The following DOK1 variants were observed in gnomAD, a reference collection of about 807,000 sequenced individuals.
DOK1 encodes Downstream of tyrosine kinase 1.
DOK1 carries 12 observed loss-of-function variants against 24.0 expected under a neutral mutation model. The observed-to-expected ratio is 0.50, with a 90% CI of 0.32 to 0.81. The LOEUF (loss-of-function observed/expected upper bound fraction) is 0.81, where lower values mean the gene tolerates loss of function less well. Among genes scored for constraint, DOK1 ranks in the 30% least tolerant of loss-of-function variants. DOK1 has a pLI of 0.03. For missense variants in DOK1, 591 were observed against 620.7 expected (o/e 0.95, Z 0.51); for synonymous variants, 250 against 260.9 (o/e 0.96, Z 0.40).
rs149674535 is a variant in DOK1 at position 74,557,033 on chromosome 2, C to T, written c.1365C>T (p.Ser455=). 4.9e-5 allele frequency: 79 copies of T among 1,614,044 alleles called. No individual in the cohort carries two copies. Among genetic ancestry groups the T allele is most frequent in the Non-Finnish European group, 6.3e-5 (74 of 1,180,048 alleles). Residue 455 remains serine, a synonymous_variant, in exon 5 of 5, where the codon AGC becomes AGT. Transcript: ENST00000233668. ...CCCTGTACAGCCAGGTCCAGAAGAG[C>T]GGGGCCTCAGGGAGCTGGGACTGTG... ...NSALYSQVQK[S]GASGSWDCGL... is the part of the protein sequence containing the mutation.
chr2:74,556,197 G>A lies in DOK1; in HGVS notation c.640-111G>A, dbSNP rs368769561. 108 of 1,534,516 alleles carry A rather than the reference G, an allele frequency of 7.0e-5. No individual in the cohort carries two copies. The highest frequency in any genetic ancestry group is 5.2e-4 in the South Asian group (41 of 78,672). On this transcript the variant is annotated intron_variant, in intron 4 of 4. Transcript: ENST00000233668. This position sits in a 1 kb window ranked among gnomAD's most constrained non-coding sequence, Gnocchi z 4.1. ...CCTTTCTTGCCTACCCGGTGACCCC[G>A]CGTCTGTTCGCAGGTGGTCTCTTCT...
At position 74,557,181 on chromosome 2, in the gene DOK1, T is replaced by C; in HGVS notation, c.*67T>C. 6.6e-7 allele frequency: 1 copy of C among 1,504,822 alleles called. No individual in the cohort carries two copies. The highest frequency in any genetic ancestry group is 9.0e-7 in the Non-Finnish European group (1 of 1,114,756). 93.2% of individuals were successfully genotyped at this position (1,504,822 alleles called of 1,614,324 possible). ...AGGTGGCACTAGGGATCAAAGAAGA[T>C]GGTTAGAACCAGCAGAAGCCAGAGG... On this transcript the variant is annotated 3_prime_UTR_variant, in exon 5 of 5. Coordinates refer to ENST00000233668, the MANE Select transcript of DOK1 (RefSeq NM_001381.5).
chr2:74,552,272 C>T, upstream of DOK1: 2 of 1,538,628 alleles, frequency 1.3e-6, no homozygotes, highest in Non-Finnish European at 1.8e-6. Flanking sequence ...TTTCCCTGCA[C>T]TTTGGCCACA....
upstream of DOK1, chr2:74,549,739 G>A: frequency 6.9e-7 from 1 of 1,441,578 alleles, no homozygotes; most frequent in South Asian, 1.5e-5. This position sits in a 1 kb window ranked among gnomAD's most constrained non-coding sequence, Gnocchi z 5.3. Context: ...GCCGCAGTCC[G>A]CGGTGTGGAC....
chr2:74,556,044 C>T lies in DOK1; in HGVS notation c.605C>T (p.Pro202Leu). Residue 202 changes from proline to leucine, a missense_variant, in exon 4 of 5, where the codon CCC becomes CTC. Coordinates refer to ENST00000233668, the MANE Select transcript of DOK1 (RefSeq NM_001381.5). This position sits in a 1 kb window ranked among gnomAD's most constrained non-coding sequence, Gnocchi z 4.1. Reference protein sequence around the residue: ...SQILEPLLSWPYTLLRRYGRD... With the variant: ...SQILEPLLSWLYTLLRRYGRD... ...ATACTGGAGCCACTCCTGTCCTGGC[C>T]CTACACTCTGTTGCGTCGCTATGGC... The T allele has an allele frequency of 6.2e-7, 1 of 1,608,478 alleles. No homozygotes were observed. The highest frequency in any genetic ancestry group is 1.3e-5 in the African/African-American group (1 of 74,920).
At position 74,554,801 on chromosome 2, in the gene DOK1, G is replaced by C; in HGVS notation, c.47G>C (p.Arg16Pro). The change falls in exon 1 of 5, where the codon CGC (arginine) becomes CCC (proline). Residue 16 changes from arginine to proline, a missense_variant. By Grantham distance (103) the Arg-to-Pro change is moderately radical. Transcript: ENST00000233668. This position sits in a 1 kb window ranked among gnomAD's most constrained non-coding sequence, Gnocchi z 4.9. ...MEGPLFLQSQ[R>P]FGTKRWRKTW... Reference sequence around the variant, plus strand: ...GGGCCGCTTTTTTTGCAGAGTCAGCGCTTTGGGACCAAGGTAGTCTGGCGC... The same window carrying C: ...GGGCCGCTTTTTTTGCAGAGTCAGCCCTTTGGGACCAAGGTAGTCTGGCGC... The C allele has an allele frequency of 6.2e-7, 1 of 1,614,146 alleles. No homozygotes were observed.
chr2:74,554,668 C>T (rs1238248818), upstream of DOK1: 42 of 1,394,790 alleles, frequency 3.0e-5, no homozygotes, highest in Non-Finnish European at 3.9e-5. This position sits in a 1 kb window ranked among gnomAD's most constrained non-coding sequence, Gnocchi z 4.9. Context: ...CGGGGAGGGG[C>T]GGAAACTCCT....
At position 74,555,355 on chromosome 2, in the gene DOK1, G is replaced by A; in HGVS notation, c.262G>A (p.Ala88Thr). 1 of 1,613,732 alleles carries A rather than the reference G, an allele frequency of 6.2e-7. No individual in the cohort carries two copies. Among genetic ancestry groups the A allele is most frequent in the South Asian group, 1.1e-5 (1 of 91,080 alleles). Residue 88 changes from alanine (A) to threonine (T), a missense_variant, in exon 2 of 5, where the codon GCC becomes ACC. Transcript: ENST00000233668. This position sits in a 1 kb window ranked among gnomAD's most constrained non-coding sequence, Gnocchi z 6.1. ...GACCCCCCCTGAGCCCGGCGCCACT[G>A]CCTTCCGCCTGGACACTGCTCAGCG... ...VETPPEPGAT[A>T]FRLDTAQRSH...
Position 74,556,537 on chromosome 2 carries a change from A to G in DOK1, c.869A>G (p.Asp290Gly), listed in dbSNP as rs1677481777. 2 of 1,614,130 alleles carry G rather than the reference A, an allele frequency of 1.2e-6. No individual in the cohort carries two copies. The highest frequency in any genetic ancestry group is 3.3e-5 in the Admixed American group (2 of 60,032). The change falls in exon 5 of 5, where the codon GAC becomes GGC. Residue 290 changes from aspartate to glycine, a missense_variant. Coordinates refer to ENST00000233668, the MANE Select transcript of DOK1 (RefSeq NM_001381.5). The surrounding 1 kb of genome is among the most constrained non-coding windows in gnomAD (Gnocchi z 4.1). ...CCACCTGGCCCCCAAGAGCTCCTCG[A>G]CAGTCCCCCAGCCCTGTATGCTGAG... is the stretch of plus-strand genomic sequence containing the variant. ...PSPPGPQELLDSPPALYAEPL... is the reference protein window; with the variant it reads ...PSPPGPQELLGSPPALYAEPL...
chr2:74,550,259 TAC>T, upstream of DOK1: 1 of 1,614,160 alleles, frequency 6.2e-7, no homozygotes, highest in Non-Finnish European at 8.5e-7. Flanking sequence ...TCATCGTGCG[TAC>T]AGTCACTGTT....
rs748696044 is a variant in DOK1, at chr2:74,556,433, G to A, written c.765G>A (p.Gln255=). 15 of 1,614,064 alleles carry A rather than the reference G, an allele frequency of 9.3e-6. No individual in the cohort carries two copies. The South Asian group carries it at 1.6e-4, about 18-fold the overall frequency. Reference sequence around the variant, plus strand: ...CTGCCATCCACCGGCAGAAGGCCCAGGGAAAGGCCGGACAGGGGCACGATG... The same window carrying A: ...CTGCCATCCACCGGCAGAAGGCCCAAGGAAAGGCCGGACAGGGGCACGATG... ...VETAIHRQKA[Q]GKAGQGHDVL... The change falls in exon 5 of 5, where the codon CAG becomes CAA. Residue 255 remains glutamine (Q), a synonymous_variant. Coordinates refer to ENST00000233668, the MANE Select transcript of DOK1 (RefSeq NM_001381.5). This position sits in a 1 kb window ranked among gnomAD's most constrained non-coding sequence, Gnocchi z 4.1.
In DOK1 at chr2:74,554,856, G is replaced by C. The variant is rs748197144; in HGVS notation, c.60+42G>C. 6.2e-7 allele frequency: 1 copy of C among 1,610,950 alleles called. No individual in the cohort carries two copies. Among genetic ancestry groups the C allele is most frequent in the South Asian group, 1.1e-5 (1 of 90,624 alleles). On this transcript the variant is annotated intron_variant, in intron 1 of 4. Transcript: ENST00000233668. The surrounding 1 kb of genome is among the most constrained non-coding windows in gnomAD (Gnocchi z 4.9). ...ATGCCGAACCTTATCCGGGCTAGTA[G>C]TGGGTGAGAGAGCCCAGAAACAGGG...
Position 74,556,699 on chromosome 2 carries a change from C to T in DOK1, c.1031C>T (p.Ala344Val), listed in dbSNP as rs745621318. 6 of 1,614,232 alleles carry T rather than the reference C, an allele frequency of 3.7e-6. No individual in the cohort carries two copies. Among genetic ancestry groups the T allele is most frequent in the East Asian group, 2.2e-5 (1 of 44,890 alleles). ...CTCTATTGGGACTTGTATGAGCATG[C>T]GCAGCAGCAGTTGCTGAAGGCCAAG... Reference protein sequence around the residue: ...KPLYWDLYEHAQQQLLKAKLT... With the variant: ...KPLYWDLYEHVQQQLLKAKLT... The change falls in exon 5 of 5, where the codon GCG becomes GTG. Residue 344 changes from alanine (A) to valine (V), a missense_variant. Ala to Val is a moderately conservative substitution (Grantham distance 64, BLOSUM62 0). Coordinates refer to ENST00000233668, the MANE Select transcript of DOK1 (RefSeq NM_001381.5). This position sits in a 1 kb window ranked among gnomAD's most constrained non-coding sequence, Gnocchi z 4.1.
chr2:74,554,348 G>C (rs1338449270), upstream of DOK1: 3 of 192,282 alleles, frequency 1.6e-5, no homozygotes, highest in South Asian at 1.8e-4. The surrounding 1 kb of genome is among the most constrained non-coding windows in gnomAD (Gnocchi z 4.9). Flanking sequence ...GGGCGGGCCC[G>C]GCCAGGGTAA....
At chr2:74,549,750 T>C, upstream of DOK1, 1 of 1,436,018 alleles carries the variant, frequency 7.0e-7, no homozygotes, top group South Asian at 1.5e-5. The surrounding 1 kb of genome is among the most constrained non-coding windows in gnomAD (Gnocchi z 5.3). Context: ...CGGTGTGGAC[T>C]CTCTTGCAGC....
chr2:74,554,702 C>A (rs1677274447), upstream of DOK1: 15 of 1,587,080 alleles, frequency 9.5e-6, 2 homozygotes, highest in South Asian at 1.7e-4. The surrounding 1 kb of genome is among the most constrained non-coding windows in gnomAD (Gnocchi z 4.9). Flanking sequence ...CCCCGCCTCC[C>A]GCCCCGCCTC....
In DOK1 at chr2:74,555,558, G is replaced by C. The variant is rs776928266; in HGVS notation, c.361-17G>C. ...CCGCTGAGGAAATTACGGGTTTCTC[G>C]ATGCTCTCTACTACAGAAAGGCAGC... On this transcript the variant is annotated splice_polypyrimidine_tract_variant and intron_variant, in intron 2 of 4. Coordinates refer to ENST00000233668, the MANE Select transcript of DOK1 (RefSeq NM_001381.5). This position sits in a 1 kb window ranked among gnomAD's most constrained non-coding sequence, Gnocchi z 6.1. 25 of 1,609,430 alleles carry C rather than the reference G, an allele frequency of 1.6e-5. No individual in the cohort carries two copies. The African/African-American group carries it at 3.5e-4, about 22-fold the overall frequency.
At chr2:74,552,147 G>C (rs1677055948), upstream of DOK1, among the ~76,000 whole-genome samples, 1 of 152,128 alleles carries the variant, frequency 6.6e-6, no homozygotes, top group Non-Finnish European at 1.5e-5. Flanking sequence ...ACTAGCCTAA[G>C]GTCACACAGC....
chr2:74,556,743 G>A lies in DOK1; in HGVS notation c.1075G>A (p.Asp359Asn). The A allele has an allele frequency of 6.2e-7, 1 of 1,614,170 alleles. No individual in the cohort carries two copies. Among genetic ancestry groups the A allele is most frequent in the Non-Finnish European group, 8.5e-7 (1 of 1,180,020 alleles). Residue 359 changes from aspartate to asparagine, a missense_variant, in exon 5 of 5, where the codon GAT (aspartate) becomes AAT (asparagine). Physicochemically the swap from Asp to Asn is conservative, Grantham distance 23. Coordinates refer to ENST00000233668, the MANE Select transcript of DOK1 (RefSeq NM_001381.5). The surrounding 1 kb of genome is among the most constrained non-coding windows in gnomAD (Gnocchi z 4.1). ...LKAKLTDPKE[D>N]PIYDEPEGLA... ...GGCCAAGCTGACAGACCCCAAAGAGGATCCCATCTATGATGAACCTGAGGG... is the reference window on the plus strand; with the variant it reads ...GGCCAAGCTGACAGACCCCAAAGAGAATCCCATCTATGATGAACCTGAGGG...
Sources: gnomAD v4.1 joint callset for allele counts (sites outside exome capture counted in the v4.1 genomes callset) on GRCh38, gnomAD v4.1.1 for gene constraint, Gnocchi (gnomAD v3.1) non-coding constraint, MANE v1.5 for transcripts, NCBI Gene and HGNC (gene_info 2026-07-23, HGNC 2026-07-21) for gene names.